The following KLHL20 variants were observed in gnomAD, a reference collection of about 807,000 sequenced individuals.
KLHL20 encodes kelch like family member 20.
KLHL20 carries 29 observed loss-of-function variants against 69.5 expected under a neutral mutation model. That is an observed-to-expected ratio of 0.42 (90% CI 0.31 to 0.57). The LOEUF (loss-of-function observed/expected upper bound fraction) is 0.57. Ranked by LOEUF, KLHL20 falls within the 20% of genes least tolerant of loss-of-function variation. The pLI is 0.18. For synonymous variants in KLHL20, 253 were observed against 265.2 expected, an observed-to-expected ratio of 0.95 and a Z score of 0.45; for missense variants, 419 against 776.0, an observed-to-expected ratio of 0.54 and a Z score of 5.47.
intron 3 of KLHL20, among the ~76,000 whole-genome samples, chr1:173,746,503 A>G (rs1673065404): frequency 6.6e-6 from 1 of 152,106 alleles, no homozygotes. Context: ...TTCCCTAGAA[A>G]ATTACCAATT....
intron 3 of KLHL20, among the ~76,000 whole-genome samples, chr1:173,751,338 C>T (rs1673302542): frequency 6.6e-6 from 1 of 152,128 alleles, no homozygotes; most frequent in Admixed American, 6.5e-5. Flanking sequence ...TTCTTGTTTA[C>T]AGAATTGCTG....
intron 2 of KLHL20, among the ~76,000 whole-genome samples, chr1:173,724,516 C>A (rs1012643575): frequency 3.3e-5 from 5 of 152,148 alleles, no homozygotes; most frequent in Admixed American, 3.3e-4. Flanking sequence ...ATTGTCTTTT[C>A]TCTGCATGTT....
intron 3 of KLHL20, among the ~76,000 whole-genome samples, chr1:173,735,936 C>CTTTTTTTTTT (rs769632286): frequency 7.5e-5 from 8 of 105,990 alleles, no homozygotes; most frequent in Admixed American, 1.2e-4. Context: ...GCCATTCTAT[C>CTTTTTTTTTT]TTTTTTTTTT....
intron 3 of KLHL20, among the ~76,000 whole-genome samples, chr1:173,743,534 A>T (rs897770528): frequency 1.6e-4 from 23 of 141,276 alleles, no homozygotes; most frequent in African/African-American, 5.5e-4. Flanking sequence ...CAAAGTGGTG[A>T]TTTTAAAAAA....
rs181707187 is a variant in KLHL20 at position 173,734,520 on chromosome 1, A to T, written c.597+234A>T. 1,011 of 477,984 alleles carry T rather than the reference A, an allele frequency of 2.1e-3. 10 individuals are homozygous for T. The highest frequency in any genetic ancestry group is 2.0e-3 in the African/African-American group (101 of 51,238). The allele number at this position is 477,984 out of a possible 1,614,324, so 29.6% of individuals were successfully genotyped here. A position where few individuals can be genotyped will look rare whatever the true frequency, so the allele number is the denominator to read the frequency against. Reference sequence around the variant, plus strand: ...CCTAACTGTATTCATAAAAGTATTTAAAAAAAAATTTTTAAAAAGGTTTAT... The same window carrying T: ...CCTAACTGTATTCATAAAAGTATTTTAAAAAAAATTTTTAAAAAGGTTTAT... On this transcript the variant is annotated intron_variant, in intron 3 of 11. Coordinates refer to ENST00000209884, the MANE Select transcript of KLHL20 (RefSeq NM_014458.4).
chr1:173,729,531 A>G (rs866475624), intron 2 of KLHL20, among the ~76,000 whole-genome samples: 4 of 152,198 alleles, frequency 2.6e-5, no homozygotes, highest in South Asian at 2.1e-4. Context: ...CACCATGATC[A>G]AGTGGGCTTC....
intron 7 of KLHL20, among the ~76,000 whole-genome samples, chr1:173,758,987 G>A (rs1423558402): frequency 6.6e-6 from 1 of 152,202 alleles, no homozygotes; most frequent in Non-Finnish European, 1.5e-5. Flanking sequence ...CAAGCCTGCT[G>A]CCCGCCTGTG....
intron 2 of KLHL20, among the ~76,000 whole-genome samples, chr1:173,727,057 C>A (rs1672005011): frequency 6.6e-6 from 1 of 152,054 alleles, no homozygotes; most frequent in Admixed American, 6.5e-5. Flanking sequence ...CTTAAAGGAC[C>A]TGATGGAGCT....
chr1:173,775,585 G>A, intron 9 of KLHL20, 49 bp from the exon 10 acceptor site: 1 of 1,486,772 alleles, frequency 6.7e-7, no homozygotes, highest in South Asian at 1.1e-5. Flanking sequence ...AACTGGAGGT[G>A]AGAGGAAATG....
In KLHL20 at chr1:173,716,605, T is replaced by A. The variant is rs75912823; in HGVS notation, c.23+539T>A. Among the ~76,000 whole-genome samples, 1,412 of 152,270 alleles carry A rather than the reference T, an allele frequency of 9.3e-3. 21 individuals are homozygous for A. Among genetic ancestry groups the A allele is most frequent in the African/African-American group, 0.031 (1,285 of 41,560 alleles). Reference sequence around the variant, plus strand: ...AAATAGAACAATGTCTGGGAAAATATAGACAATAAATAGGCCCTCCCAACC... The same window carrying A: ...AAATAGAACAATGTCTGGGAAAATAAAGACAATAAATAGGCCCTCCCAACC... On this transcript the variant is annotated intron_variant, in intron 2 of 11. Transcript: ENST00000209884.
At chr1:173,774,013 CA>C (rs34034171) in intron 8 of KLHL20, among the ~76,000 whole-genome samples, 62,562 of 107,946 alleles carry the variant, frequency 0.58, 15,044 homozygotes, top group East Asian at 0.72. Flanking sequence ...GACTCCATCT[CA>C]AAAAAAAAAA....
At chr1:173,722,827 T>A (rs1172635979) in intron 2 of KLHL20, among the ~76,000 whole-genome samples, 1 of 151,984 alleles carries the variant, frequency 6.6e-6, no homozygotes. Context: ...GTAGCTGGGA[T>A]TACAGGCATG....
At chr1:173,746,191 C>G (rs1238606446) in intron 3 of KLHL20, among the ~76,000 whole-genome samples, 1 of 152,138 alleles carries the variant, frequency 6.6e-6, no homozygotes, top group Admixed American at 6.5e-5. Flanking sequence ...AATCTATTCG[C>G]TAATATTCAG....
intron 2 of KLHL20, among the ~76,000 whole-genome samples, chr1:173,733,414 C>A (rs1672377547): frequency 6.6e-6 from 1 of 152,032 alleles, no homozygotes. Flanking sequence ...AGCATAACCA[C>A]CTGATCTAAA....
At chr1:173,767,755 T>C (rs959994946) in intron 8 of KLHL20, among the ~76,000 whole-genome samples, 17 of 152,224 alleles carry the variant, frequency 1.1e-4, no homozygotes, top group African/African-American at 3.4e-4. Flanking sequence ...GCTGTTGAAT[T>C]GTTTAAGTTC....
intron 2 of KLHL20, among the ~76,000 whole-genome samples, chr1:173,719,110 A>AAAAAAAAAAG (rs888154241): frequency 3.9e-5 from 6 of 151,976 alleles, no homozygotes; most frequent in African/African-American, 1.4e-4. Flanking sequence ...GTCTCAAAAA[A>AAAAAAAAAAG]AAAAAGAAAA....
At chr1:173,749,413 C>T (rs529518529) in intron 3 of KLHL20, among the ~76,000 whole-genome samples, 2 of 152,238 alleles carry the variant, frequency 1.3e-5, no homozygotes, top group East Asian at 3.9e-4. Context: ...GCTTAGAGTT[C>T]AGATCGCCTC....
chr1:173,756,298 A>G (rs1191136775), intron 6 of KLHL20, among the ~76,000 whole-genome samples: 1 of 152,160 alleles, frequency 6.6e-6, no homozygotes, highest in East Asian at 1.9e-4. Flanking sequence ...GCTCATGCCT[A>G]TACAGCTTTC....
chr1:173,760,292 TACTC>T (rs74514971), intron 7 of KLHL20, among the ~76,000 whole-genome samples: 31,895 of 152,064 alleles, frequency 0.21, 3,699 homozygotes, highest in Middle Eastern at 0.32. Context: ...CTGGAAAACA[TACTC>T]GGGAGAGTAA....
Sources: gnomAD v4.1 joint callset for allele counts (sites outside exome capture counted in the v4.1 genomes callset) on GRCh38, gnomAD v4.1.1 for gene constraint, MANE v1.5 for transcripts, NCBI Gene and HGNC (gene_info 2026-07-23, HGNC 2026-07-21) for gene names.